TG: variants seen among roughly 807,000 people sequenced by gnomAD.
TG encodes thyroid hormones.
Under a neutral mutation model 324.7 loss-of-function variants are expected in TG, and 270 were observed. The ratio of observed to expected loss-of-function variants is 0.83; its 90% CI spans 0.75 to 0.92. The LOEUF (loss-of-function observed/expected upper bound fraction) is 0.92. TG is among the 40% of genes least tolerant of loss of function. The pLI is 0.00. For missense variants in TG, 3,591 were observed against 3,456.4 expected (o/e 1.04, Z -0.98); for synonymous variants, 1,401 against 1,327.0 (o/e 1.06, Z -1.21).
chr8:133,044,523 A>G (rs1191051603), intron 41 of TG, among the ~76,000 whole-genome samples: 2 of 152,184 alleles, frequency 1.3e-5, no homozygotes, highest in Non-Finnish European at 2.9e-5. Context: ...AACCCTTGGC[A>G]TGCTCTGAGC....
At chr8:132,933,519 C>T (rs555314691) in intron 23 of TG, 42 bp from the exon 24 acceptor site, 2 of 1,589,462 alleles carry the variant, frequency 1.3e-6, no homozygotes, top group East Asian at 2.2e-5. Context: ...CTCAGCATCC[C>T]CCGGGAAAGC....
At chr8:133,034,059 G>A (rs1230796204) in intron 41 of TG, among the ~76,000 whole-genome samples, 4 of 152,200 alleles carry the variant, frequency 2.6e-5, no homozygotes, top group Admixed American at 2.6e-4. Flanking sequence ...ATCTCATAGT[G>A]TGAGCATGCT....
intron 43 of TG, among the ~76,000 whole-genome samples, chr8:133,105,281 C>T (rs1395969694): frequency 6.6e-6 from 1 of 152,220 alleles, no homozygotes; most frequent in Non-Finnish European, 1.5e-5. Context: ...CCAAGAGCAA[C>T]ATCTCTGCTT....
chr8:132,892,236 C>T (rs1392672158), intron 10 of TG, among the ~76,000 whole-genome samples: 1 of 152,202 alleles, frequency 6.6e-6, no homozygotes, highest in Non-Finnish European at 1.5e-5. Flanking sequence ...ATCCAACCAT[C>T]TATCCATGCA....
chr8:132,995,475 C>A lies in TG; in HGVS notation c.6262+12063C>A, dbSNP rs565700620. Reference sequence around the variant, plus strand: ...AGTTCACCCATACCCTTGTTCAGCACCCCAAAGGAGGCCTCCATGGTGCTG... The same window carrying A: ...AGTTCACCCATACCCTTGTTCAGCAACCCAAAGGAGGCCTCCATGGTGCTG... On this transcript the variant is annotated intron_variant, in intron 35 of 47. Transcript: ENST00000220616. The A allele has an allele frequency of 1.6e-5, 16 of 985,326 alleles. No individual in the cohort carries two copies. The African/African-American group carries it at 2.1e-4, about 13-fold the overall frequency. 61.0% of individuals were successfully genotyped at this position (985,326 alleles called of 1,614,324 possible).
intron 27 of TG, among the ~76,000 whole-genome samples, chr8:132,959,880 T>C (rs765251911): frequency 3.6e-4 from 55 of 152,198 alleles, no homozygotes; most frequent in Non-Finnish European, 6.5e-4. Context: ...GTTTTTAGTA[T>C]TCTGAAACCA....
chr8:133,083,175 A>G (rs753746739), intron 41 of TG, among the ~76,000 whole-genome samples: 25 of 152,358 alleles, frequency 1.6e-4, no homozygotes, highest in Non-Finnish European at 3.5e-4. Flanking sequence ...CCTGTAAAGC[A>G]TGGTACAGAT....
chr8:132,907,314 GACC>G (rs1424296791), intron 17 of TG, among the ~76,000 whole-genome samples: 1 of 152,110 alleles, frequency 6.6e-6, no homozygotes, highest in East Asian at 1.9e-4. Context: ...CTCTCCCCAA[GACC>G]ACCTGGACTT....
intron 41 of TG, among the ~76,000 whole-genome samples, chr8:133,077,037 C>T (rs1032912069): frequency 8.5e-5 from 13 of 152,170 alleles, no homozygotes; most frequent in East Asian, 1.9e-4. Context: ...GACCGAGGGG[C>T]GCAGATGTGC....
Position 132,893,745 on chromosome 8 carries a change from G to A in TG, c.2817G>A (p.Thr939=), listed in dbSNP as rs146452691. 6.8e-6 allele frequency: 11 copies of A among 1,613,796 alleles called. No individual in the cohort carries two copies. Among genetic ancestry groups the A allele is most frequent in the Middle Eastern group, 1.6e-4 (1 of 6,082 alleles). ...KLRVLQFIRE[T]EEIVSASNSS... ...GTGTACTGCAGTTCATTAGGGAAACGGAAGAGATTGTTTCAGCTTCCAACA... is the reference window on the plus strand; with the variant it reads ...GTGTACTGCAGTTCATTAGGGAAACAGAAGAGATTGTTTCAGCTTCCAACA... The change falls in exon 11 of 48, where the codon ACG becomes ACA. Residue 939 remains threonine (T), a synonymous_variant. Coordinates refer to ENST00000220616, the MANE Select transcript of TG (RefSeq NM_003235.5).
chr8:133,103,325 T>C (rs1312643773), intron 43 of TG, among the ~76,000 whole-genome samples: 1 of 152,138 alleles, frequency 6.6e-6, no homozygotes, highest in Non-Finnish European at 1.5e-5. Flanking sequence ...GAGAGCCCTG[T>C]AGGTCTCATG....
chr8:133,096,347 C>T lies in TG; in HGVS notation c.7546C>T (p.Leu2516Phe), dbSNP rs1314997972. Reference protein sequence around the residue: ...LLIGSSQDDGLINRAKAVKQF... With the variant: ...LLIGSSQDDGFINRAKAVKQF... ...CATTGGGAGTTCTCAGGACGACGGG[C>T]TCATCAACAGAGCAAAGGCTGTGAA... The change falls in exon 43 of 48, where the codon CTC (leucine) becomes TTC (phenylalanine). Residue 2516 changes from leucine to phenylalanine, a missense_variant. Physicochemically the swap from Leu to Phe is conservative, Grantham distance 22. Transcript: ENST00000220616. The T allele has an allele frequency of 6.2e-7, 1 of 1,614,186 alleles. No individual in the cohort carries two copies. The highest frequency in any genetic ancestry group is 8.5e-7 in the Non-Finnish European group (1 of 1,180,048).
chr8:132,988,278 A>C (rs1213931447), intron 35 of TG, among the ~76,000 whole-genome samples: 1 of 152,122 alleles, frequency 6.6e-6, no homozygotes, highest in African/African-American at 2.4e-5. Flanking sequence ...TTGGAGGAGG[A>C]GTGTGCATCT....
chr8:133,022,757 C>T (rs539446472), intron 40 of TG, among the ~76,000 whole-genome samples: 8 of 152,296 alleles, frequency 5.3e-5, no homozygotes, highest in Non-Finnish European at 8.8e-5. Flanking sequence ...CCTCCATCCA[C>T]GTCTTTTCCT....
chr8:133,087,071 TACACACACACACACACACACACAC>T lies in TG; in HGVS notation c.7240-7944_7240-7921del, dbSNP rs56028043. ...TGTATAGATTTCCTGAATATATGTT[TACACACACACACACACACACACAC>T]ACACACACACACACACACACACACA... On this transcript the variant is annotated intron_variant, in intron 41 of 47. Coordinates refer to ENST00000220616, the MANE Select transcript of TG (RefSeq NM_003235.5). 4.2e-5 allele frequency among the ~76,000 whole-genome samples: 6 copies of T among 143,046 alleles called. No homozygotes were observed. The East Asian group carries it at 6.2e-4, about 15-fold the overall frequency. The allele number at this position is 143,046 out of a possible 152,430, so 93.8% of individuals were successfully genotyped here. A position where few individuals can be genotyped will look rare whatever the true frequency, so the allele number is the denominator to read the frequency against.
intron 41 of TG, among the ~76,000 whole-genome samples, chr8:133,041,965 T>C (rs1294787643): frequency 6.6e-5 from 10 of 151,780 alleles, no homozygotes; most frequent in Non-Finnish European, 1.5e-4. Flanking sequence ...TTTTTTGTAT[T>C]TTTAGTAGAG....
chr8:133,077,784 C>T (rs2958703), intron 41 of TG, among the ~76,000 whole-genome samples: 2,977 of 149,768 alleles, frequency 0.02, 86 homozygotes, highest in African/African-American at 0.062. Flanking sequence ...TGTGTGTGTG[C>T]GGCAGAGTTG....
intron 35 of TG, among the ~76,000 whole-genome samples, chr8:133,010,476 C>G (rs1834407187): frequency 6.6e-6 from 1 of 152,146 alleles, no homozygotes; most frequent in South Asian, 2.1e-4. Flanking sequence ...AACACAAAAG[C>G]AAGCAAGAAG....
intron 36 of TG, 121 bp from the exon 37 acceptor site, chr8:133,013,479 A>G (rs1834710658): frequency 4.1e-6 from 5 of 1,231,376 alleles, no homozygotes; most frequent in Non-Finnish European, 3.5e-6. Flanking sequence ...GCATGATTGG[A>G]TAGAAGGATG....
Sources: gnomAD v4.1 joint callset for allele counts (sites outside exome capture counted in the v4.1 genomes callset) on GRCh38, gnomAD v4.1.1 for gene constraint, MANE v1.5 for transcripts, NCBI Gene and HGNC (gene_info 2026-07-23, HGNC 2026-07-21) for gene names.